Variants in SAMD9 observed in about 807,000 individuals in gnomAD.
SAMD9 encodes the protein sterile alpha motif domain-containing protein 9.
In SAMD9, 3 loss-of-function variants were observed where a neutral mutation model predicts 1.5. The observed-to-expected ratio is 2.05, with a 90% CI of 0.93 to 5.29. The LOEUF is 5.29. SAMD9 is among the 30% of genes most tolerant of loss of function. The pLI, the probability that SAMD9 is intolerant of heterozygous loss-of-function variation, is 0.02. For synonymous variants in SAMD9, 635 were observed against 631.9 expected (o/e 1.00, Z -0.07); for missense variants, 1,597 against 1,820.8 (o/e 0.88, Z 2.24).
rs901310676 is a variant in SAMD9, at chr7:93,100,518, A to G, written c.*810T>C. 1 of 152,088 alleles carries G rather than the reference A, an allele frequency of 6.6e-6. No individual in the cohort carries two copies. The highest frequency in any genetic ancestry group is 2.4e-5 in the African/African-American group (1 of 41,412). The allele number at this position is 152,088 out of a possible 1,614,324, so 9.4% of individuals were successfully genotyped here. ...GGGGAAAATTACATTTTGATTACGTATCGCTGGTTGTTTTTGTTCAAAACA... is the reference window on the plus strand; with the variant it reads ...GGGGAAAATTACATTTTGATTACGTGTCGCTGGTTGTTTTTGTTCAAAACA... On this transcript the variant is annotated 3_prime_UTR_variant, in exon 3 of 3. Transcript: ENST00000379958.
chr7:93,102,744 A>G lies in SAMD9; in HGVS notation c.3354T>C (p.Tyr1118=). The change falls in exon 3 of 3, where the codon TAT becomes TAC. Residue 1118 remains tyrosine (Y), a synonymous_variant. Transcript: ENST00000379958. ...QAKIIEPDNS[Y]ISDTLGQVYK... is the part of the protein sequence containing the mutation. ...AGACTTGACCCAGTGTATCTGAGAT[A>G]TAAGAATTGTCAGGTTCTATGATTT... is the stretch of plus-strand genomic sequence containing the variant. 6.2e-7 allele frequency: 1 copy of G among 1,613,878 alleles called. No individual in the cohort carries two copies. Among genetic ancestry groups the G allele is most frequent in the Non-Finnish European group, 8.5e-7 (1 of 1,179,768 alleles).
chr7:93,105,896 C>T lies in SAMD9; in HGVS notation c.202G>A (p.Glu68Lys), dbSNP rs1248670605. The change falls in exon 3 of 3, where the codon GAA becomes AAA. Residue 68 changes from glutamate to lysine, a missense_variant. By Grantham distance (56) the Glu-to-Lys change is moderately conservative. Transcript: ENST00000379958. ...GITHGPAIQI[E>K]ELFKELRKTA... ...TTCCGCAATTCTTTGAATAGTTCTT[C>T]TATTTGAATAGCTGGTCCATGTGTG... The T allele has an allele frequency of 1.2e-6, 2 of 1,614,062 alleles. No individual in the cohort carries two copies. The highest frequency in any genetic ancestry group is 1.7e-6 in the Non-Finnish European group (2 of 1,180,004).
chr7:93,111,447 A>G (rs1457403330), intron 2 of SAMD9, among the ~76,000 whole-genome samples: 1 of 152,190 alleles, frequency 6.6e-6, no homozygotes, highest in Non-Finnish European at 1.5e-5. Flanking sequence ...GGCAAGAAAT[A>G]ACTAAGATCA....
At chr7:93,110,897 C>T (rs1454574809) in intron 2 of SAMD9, among the ~76,000 whole-genome samples, 2 of 152,150 alleles carry the variant, frequency 1.3e-5, no homozygotes, top group African/African-American at 4.8e-5. Flanking sequence ...GACAGATCCA[C>T]GAGACAGAAA....
chr7:93,110,814 T>G (rs1791728823), intron 2 of SAMD9, among the ~76,000 whole-genome samples: 1 of 152,116 alleles, frequency 6.6e-6, no homozygotes, highest in Admixed American at 6.5e-5. Context: ...AGCAAGTCCT[T>G]AGAGACCTAC....
chr7:93,106,704 C>A (rs1404831414), intron 2 of SAMD9, among the ~76,000 whole-genome samples: 2 of 152,204 alleles, frequency 1.3e-5, no homozygotes, highest in African/African-American at 4.8e-5. Context: ...CCATTCTAAT[C>A]ATTTGTGTTC....
chr7:93,102,482 A>G lies in SAMD9; in HGVS notation c.3616T>C (p.Tyr1206His). 1 of 1,613,756 alleles carries G rather than the reference A, an allele frequency of 6.2e-7. No homozygotes were observed. The highest frequency in any genetic ancestry group is 8.5e-7 in the Non-Finnish European group (1 of 1,179,714). ...GYQGEIEVGL[Y>H]TIQILQLIPF... ...ATGAGCTGGAGAATTTGGATTGTGT[A>G]AAGCCCAACTTCTATCTCTCCTTGA... Residue 1206 changes from tyrosine to histidine, a missense_variant, in exon 3 of 3, where the codon TAC becomes CAC. Tyr to His is a moderately conservative substitution (Grantham distance 83). Coordinates refer to ENST00000379958, the MANE Select transcript of SAMD9 (RefSeq NM_017654.4).
Position 93,103,596 on chromosome 7 carries a change from A to G in SAMD9, c.2502T>C (p.Asn834=). The G allele has an allele frequency of 6.2e-7, 1 of 1,613,624 alleles. No individual in the cohort carries two copies. Among genetic ancestry groups the G allele is most frequent in the Middle Eastern group, 1.6e-4 (1 of 6,062 alleles). The part of the protein sequence containing the change: ...RYEKPLVIIL[N]CMRSQNPEKS... ...TTTCAGGATTTTGTGATCTCATACA[A>G]TTTAGGATAATCACCAGAGGTTTTT... is the stretch of plus-strand genomic sequence containing the variant. The change falls in exon 3 of 3, where the codon AAT becomes AAC. Residue 834 remains asparagine (N), a synonymous_variant. Transcript: ENST00000379958.
In SAMD9 at chr7:93,103,043, C is replaced by T. The variant is rs753744139; in HGVS notation, c.3055G>A (p.Asp1019Asn). 4 of 1,613,820 alleles carry T rather than the reference C, an allele frequency of 2.5e-6. No individual in the cohort carries two copies. The highest frequency in any genetic ancestry group is 3.4e-6 in the Non-Finnish European group (4 of 1,179,766). The change falls in exon 3 of 3, where the codon GAT (aspartate) becomes AAT (asparagine). Residue 1019 changes from aspartate to asparagine, a missense_variant. Around this residue, in one of 6 missense-constraint regions of SAMD9, gnomAD observed 682 missense variants for 810.0 expected, o/e 0.84. Coordinates refer to ENST00000379958, the MANE Select transcript of SAMD9 (RefSeq NM_017654.4). Reference protein sequence around the residue: ...LDMLTENLFFDTGMGKSKFLQ... With the variant: ...LDMLTENLFFNTGMGKSKFLQ... The stretch of plus-strand genomic sequence containing the variant: ...AATTTACTTTTTCCCATACCAGTAT[C>T]GAAGAACAAATTCTCAGTTAGCATA...
chr7:93,105,653 AATCTATTTTAT>A lies in SAMD9; in HGVS notation c.434_444del (p.Asp145ValfsTer19). 6.2e-7 allele frequency: 1 copy of A among 1,614,090 alleles called. No homozygotes were observed. The highest frequency in any genetic ancestry group is 2.2e-5 in the East Asian group (1 of 44,858). Reference sequence around the variant, plus strand: ...ATGGATGGTTGCCTTTCCTTTGTATAATCTATTTTATCTTCTATGAGCTCAACTTTTAGTGA... The same window carrying A: ...ATGGATGGTTGCCTTTCCTTTGTATACTTCTATGAGCTCAACTTTTAGTGA... On this transcript the variant is annotated frameshift_variant, in exon 3 of 3. Coordinates refer to ENST00000379958, the MANE Select transcript of SAMD9 (RefSeq NM_017654.4). LOFTEE classifies it low-confidence loss of function (END_TRUNC).
At chr7:93,108,225 T>A (rs901407607) in intron 2 of SAMD9, among the ~76,000 whole-genome samples, 1 of 152,330 alleles carries the variant, frequency 6.6e-6, no homozygotes, top group Admixed American at 6.5e-5. Context: ...CCGCAAAGTT[T>A]GTGATGTCCG....
At chr7:93,112,531 T>G (rs913637623) in intron 2 of SAMD9, among the ~76,000 whole-genome samples, 1 of 152,196 alleles carries the variant, frequency 6.6e-6, no homozygotes, top group East Asian at 1.9e-4. Flanking sequence ...TGTTTGCAGA[T>G]GACATGATTG....
chr7:93,111,446 T>A (rs1349454151), intron 2 of SAMD9, among the ~76,000 whole-genome samples: 1 of 151,740 alleles, frequency 6.6e-6, no homozygotes, highest in African/African-American at 2.4e-5. Flanking sequence ...AGGCAAGAAA[T>A]AACTAAGATC....
Position 93,104,192 on chromosome 7 carries a change from C to G in SAMD9, c.1906G>C (p.Gly636Arg). The G allele has an allele frequency of 6.2e-7, 1 of 1,613,782 alleles. No homozygotes were observed. Among genetic ancestry groups the G allele is most frequent in the East Asian group, 2.2e-5 (1 of 44,864 alleles). ...TTTTTCAGAAGGACAGTCGATAAAC[C>G]AATAGATGGCAAAAGCCTTTTTGAA... is the stretch of plus-strand genomic sequence containing the variant. ...QSSKRLLPSI[G>R]LSTVLLKKEE... The change falls in exon 3 of 3, where the codon GGT becomes CGT. Residue 636 changes from glycine to arginine, a missense_variant. Around this residue, in one of 6 missense-constraint regions of SAMD9, gnomAD observed 358 missense variants for 460.4 expected, o/e 0.78. Coordinates refer to ENST00000379958, the MANE Select transcript of SAMD9 (RefSeq NM_017654.4).
rs369676849 is a variant in SAMD9, at chr7:93,102,000, C to T, written c.4098G>A (p.Val1366=). 6.2e-6 allele frequency: 10 copies of T among 1,613,432 alleles called. No homozygotes were observed. The highest frequency in any genetic ancestry group is 8.5e-6 in the Non-Finnish European group (10 of 1,179,656). Residue 1366 remains valine (V), a synonymous_variant, in exon 3 of 3, where the codon GTG becomes GTA. Coordinates refer to ENST00000379958, the MANE Select transcript of SAMD9 (RefSeq NM_017654.4). Reference sequence around the variant, plus strand: ...GTTCTAAGAGAAAAGTATATTCGTTCACTATACATTTCATAGTGCTTATAG... The same window carrying T: ...GTTCTAAGAGAAAAGTATATTCGTTTACTATACATTTCATAGTGCTTATAG... ...EDAISTMKCI[V]NEYTFLLEQC... is the part of the protein sequence containing the mutation.
In SAMD9 at chr7:93,103,725, G is replaced by A. The variant is rs189020649; in HGVS notation, c.2373C>T (p.Tyr791=). 2.0e-5 allele frequency: 32 copies of A among 1,613,684 alleles called. No individual in the cohort carries two copies. The East Asian group carries it at 4.9e-4, about 25-fold the overall frequency. Residue 791 remains tyrosine (Y), a synonymous_variant, in exon 3 of 3, where the codon TAC becomes TAT. Transcript: ENST00000379958. ...ITYGAMNRQE[Y]VPVLLLVDDF... is the part of the protein sequence containing the mutation. ...CATCAACAAGGAGTAGTACAGGTAC[G>A]TATTCCTGACGGTTCATTGCCCCAT...
chr7:93,106,391 C>T (rs1791645187), intron 2 of SAMD9, among the ~76,000 whole-genome samples: 1 of 152,086 alleles, frequency 6.6e-6, no homozygotes, highest in Non-Finnish European at 1.5e-5. Flanking sequence ...TGCTTCCAGT[C>T]AGTATATATA....
rs1300816911 is a variant in SAMD9 at position 93,103,715 on chromosome 7, G to A, written c.2383C>T (p.Leu795=). The stretch of plus-strand genomic sequence containing the variant: ...TCTTCAAAATCATCAACAAGGAGTA[G>A]TACAGGTACGTATTCCTGACGGTTC... ...AMNRQEYVPV[L]LLVDDFEEQD... The change falls in exon 3 of 3, where the codon CTA becomes TTA. Residue 795 remains leucine (L), a synonymous_variant. Coordinates refer to ENST00000379958, the MANE Select transcript of SAMD9 (RefSeq NM_017654.4). 2 of 1,613,542 alleles carry A rather than the reference G, an allele frequency of 1.2e-6. No individual in the cohort carries two copies. The highest frequency in any genetic ancestry group is 2.2e-5 in the East Asian group (1 of 44,888).
At position 93,101,780 on chromosome 7, in the gene SAMD9, A is replaced by G. The variant is rs1179738515; in HGVS notation, c.4318T>C (p.Trp1440Arg). ...TGATCTAGTTGTTGATTTTCTGGCCAGAATAAGAGGGAAGCTAGAAAATAC... is the reference window on the plus strand; with the variant it reads ...TGATCTAGTTGTTGATTTTCTGGCCGGAATAAGAGGGAAGCTAGAAAATAC... Reference protein sequence around the residue: ...EPYFLASLLFWPENQQLDQHS... With the variant: ...EPYFLASLLFRPENQQLDQHS... Residue 1440 changes from tryptophan to arginine, a missense_variant, in exon 3 of 3, where the codon TGG becomes CGG. Coordinates refer to ENST00000379958, the MANE Select transcript of SAMD9 (RefSeq NM_017654.4). 6.2e-7 allele frequency: 1 copy of G among 1,613,698 alleles called. No individual in the cohort carries two copies. Among genetic ancestry groups the G allele is most frequent in the Non-Finnish European group, 8.5e-7 (1 of 1,179,782 alleles).
Sources: allele counts gnomAD v4.1 joint callset (sites outside exome capture counted in the v4.1 genomes callset), GRCh38; gene constraint gnomAD v4.1.1; regional missense constraint gnomAD v4.1.1; transcripts MANE v1.5; gene names NCBI Gene and HGNC (gene_info 2026-07-23, HGNC 2026-07-21).